Variants in ENTPD5 observed in about 807,000 individuals in gnomAD.
ENTPD5 encodes the protein nucleoside diphosphate phosphatase ENTPD5.
Under a neutral mutation model 60.2 loss-of-function variants are expected in ENTPD5, and 49 were observed. That is an observed-to-expected ratio of 0.81 (90% CI 0.65 to 1.03). The LOEUF is 1.03. Among genes scored for constraint, ENTPD5 ranks in the 50% least tolerant of loss-of-function variants. The pLI is 0.00. For synonymous variants in ENTPD5, 187 were observed against 185.4 expected, an observed-to-expected ratio of 1.01 and a Z score of -0.07; for missense variants, 480 against 507.6, an observed-to-expected ratio of 0.95 and a Z score of 0.52.
chr14:73,957,983 T>C (rs1222947631), downstream of ENTPD5: 1 of 674,818 alleles, frequency 1.5e-6, no homozygotes, highest in East Asian at 2.7e-5. Flanking sequence ...CTGTGGCTTC[T>C]GTCATTTATT....
intron 13 of ENTPD5, 53 bp downstream of exon 13, chr14:73,972,831 C>A: frequency 2.5e-6 from 4 of 1,588,346 alleles, no homozygotes; most frequent in African/African-American, 1.3e-5. Context: ...TGACCTTCCC[C>A]ACCACAGCCC....
Position 73,972,981 on chromosome 14 carries a change from C to T in ENTPD5, c.930G>A (p.Val310=). 6 of 1,614,226 alleles carry T rather than the reference C, an allele frequency of 3.7e-6. No homozygotes were observed. Among genetic ancestry groups the T allele is most frequent in the Non-Finnish European group, 5.1e-6 (6 of 1,180,048 alleles). Reference sequence around the variant, plus strand: ...CTGGCTGGTGAAGTTTTCCTCGTACCACCCTCAGCACTTCGGCATAGCAGG... The same window carrying T: ...CTGGCTGGTGAAGTTTTCCTCGTACTACCCTCAGCACTTCGGCATAGCAGG... ...FEPCYAEVLR[V]VRGKLHQPEE... is the part of the protein sequence containing the mutation. The change falls in exon 13 of 16, where the codon GTG becomes GTA. Residue 310 remains valine, a synonymous_variant. Coordinates refer to ENST00000334696, the MANE Select transcript of ENTPD5 (RefSeq NM_001249.5).
At chr14:74,003,593 A>G in intron 3 of ENTPD5, 1 of 561,108 alleles carries the variant, frequency 1.8e-6, no homozygotes, top group South Asian at 1.6e-5. Context: ...GTCTCAATGG[A>G]TCCAGAACTT....
chr14:74,004,071 C>G (rs944874031), intron 3 of ENTPD5, among the ~76,000 whole-genome samples: 1 of 152,144 alleles, frequency 6.6e-6, no homozygotes, highest in South Asian at 2.1e-4. Context: ...TGCCACTGCA[C>G]TCCAGCATGG....
downstream of ENTPD5, chr14:73,963,143 G>A: frequency 1.3e-6 from 1 of 760,370 alleles, no homozygotes; most frequent in Non-Finnish European, 2.3e-6. Context: ...TAATGGGCCT[G>A]TGGCACCCAA....
chr14:73,983,015 T>C lies in ENTPD5; in HGVS notation c.441+3A>G. The C allele has an allele frequency of 6.2e-7, 1 of 1,612,828 alleles. No individual in the cohort carries two copies. The highest frequency in any genetic ancestry group is 1.1e-5 in the South Asian group (1 of 90,998). On this transcript the variant is annotated splice_donor_region_variant and intron_variant, in intron 6 of 15. Transcript: ENST00000334696. ...TGATCCAAGATGCAGTTTTAAAACTTACCTCAAAGAGCAGAGCCTTGGCTT... is the reference window on the plus strand; with the variant it reads ...TGATCCAAGATGCAGTTTTAAAACTCACCTCAAAGAGCAGAGCCTTGGCTT...
At chr14:74,005,847 T>G (rs2058665378) in intron 3 of ENTPD5, among the ~76,000 whole-genome samples, 1 of 152,038 alleles carries the variant, frequency 6.6e-6, no homozygotes, top group Non-Finnish European at 1.5e-5. Flanking sequence ...ACAAACAAAA[T>G]GAACAACAAT....
chr14:74,010,239 A>C (rs2058805644), intron 3 of ENTPD5, among the ~76,000 whole-genome samples: 1 of 152,170 alleles, frequency 6.6e-6, no homozygotes, highest in Non-Finnish European at 1.5e-5. Context: ...ACCTGGCTCC[A>C]CTATAACACT....
rs1296427324 is a variant in ENTPD5 at position 74,019,261 on chromosome 14, C to T, written c.-249G>A. The T allele has an allele frequency of 2.1e-5, 6 of 282,410 alleles. No homozygotes were observed. The highest frequency in any genetic ancestry group is 3.2e-5 in the Non-Finnish European group (6 of 185,272). The allele number at this position is 282,410 out of a possible 1,614,324, so 17.5% of individuals were successfully genotyped here. On this transcript the variant is annotated 5_prime_UTR_variant, in exon 1 of 16. Transcript: ENST00000334696. Reference sequence around the variant, plus strand: ...ACTCGCACACTCACCGCGCGCGCGCCACCCTTGCGCGGCAGCCCGCCGCCC... The same window carrying T: ...ACTCGCACACTCACCGCGCGCGCGCTACCCTTGCGCGGCAGCCCGCCGCCC...
chr14:74,003,291 A>G, intron 3 of ENTPD5: 4 of 407,240 alleles, frequency 9.8e-6, no homozygotes, highest in South Asian at 8.5e-5. Context: ...GTGTAACCCA[A>G]GAACCTAGAA....
chr14:73,999,483 GC>G (rs1448065924), intron 3 of ENTPD5, among the ~76,000 whole-genome samples: 6 of 147,636 alleles, frequency 4.1e-5, no homozygotes, highest in Middle Eastern at 3.7e-3. Context: ...GTAAGACTCT[GC>G]CCCCCACCCC....
chr14:73,984,852 A>G (rs949134229), intron 5 of ENTPD5, among the ~76,000 whole-genome samples: 4 of 151,692 alleles, frequency 2.6e-5, no homozygotes, highest in African/African-American at 9.7e-5. Context: ...GCACCCATTA[A>G]CTCATCATTT....
At chr14:73,981,740 G>C (rs2057698873) in intron 6 of ENTPD5, among the ~76,000 whole-genome samples, 1 of 151,656 alleles carries the variant, frequency 6.6e-6, no homozygotes, top group African/African-American at 2.4e-5. Context: ...CTGGGAGGTG[G>C]AGGTTGCAGT....
chr14:74,010,468 C>T lies in ENTPD5; in HGVS notation c.-71+623G>A, dbSNP rs545873051. ...ACTCGGGAGGCTGAGGCAGGAGAAT[C>T]GCTTGAACCCAGGAGGCAGAGGTTG... On this transcript the variant is annotated intron_variant, in intron 3 of 15. Transcript: ENST00000334696. Among the ~76,000 whole-genome samples, 8 of 152,066 alleles carry T rather than the reference C, an allele frequency of 5.3e-5. No homozygotes were observed. In the South Asian group the frequency reaches 1.2e-3, roughly 24 times the overall value.
intron 15 of ENTPD5, among the ~76,000 whole-genome samples, chr14:73,967,808 AAAAAAAAAAG>A (rs1322111423): frequency 2.0e-5 from 3 of 150,898 alleles, no homozygotes; most frequent in Admixed American, 6.6e-5. Context: ...TCAAAAAAAA[AAAAAAAAAAG>A]AAAAAAAAAG....
chr14:74,006,084 G>A (rs984896263), intron 3 of ENTPD5, among the ~76,000 whole-genome samples: 2 of 151,860 alleles, frequency 1.3e-5, no homozygotes, highest in African/African-American at 4.8e-5. Context: ...TGCCTCCCAG[G>A]TTCAAGAGAT....
At chr14:73,959,225 G>T, downstream of ENTPD5, 2 of 1,614,220 alleles carry the variant, frequency 1.2e-6, no homozygotes, top group Non-Finnish European at 1.7e-6. Flanking sequence ...TCTGCTCCCG[G>T]TAAGAGGTCC....
downstream of ENTPD5, chr14:73,957,995 G>A: frequency 1.4e-6 from 1 of 724,026 alleles, no homozygotes; most frequent in Non-Finnish European, 2.5e-6. Flanking sequence ...TCATTTATTA[G>A]CTCAGACCAC....
downstream of ENTPD5, chr14:73,956,570 G>C (rs940592216): frequency 6.5e-5 from 10 of 152,920 alleles, no homozygotes; most frequent in African/African-American, 2.2e-4. Flanking sequence ...GAGTGAAGTT[G>C]TATCTCATTG....
Sources: allele counts gnomAD v4.1 joint callset (sites outside exome capture counted in the v4.1 genomes callset), GRCh38; gene constraint gnomAD v4.1.1; transcripts MANE v1.5; gene names NCBI Gene and HGNC (gene_info 2026-07-23, HGNC 2026-07-21).